ITGAV: variants seen among roughly 807,000 people sequenced by gnomAD.
ITGAV encodes the protein integrin subunit alpha V, also known as integrin alpha-V.
ITGAV carries 76 observed loss-of-function variants against 143.8 expected under a neutral mutation model. The observed-to-expected ratio is 0.53, with a 90% CI of 0.44 to 0.64. The LOEUF (loss-of-function observed/expected upper bound fraction) is 0.64, where lower values mean the gene tolerates loss of function less well. ITGAV is among the 30% of genes least tolerant of loss of function. The pLI, the probability that ITGAV is intolerant of heterozygous loss-of-function variation, is 0.00. For missense variants in ITGAV, 1,193 were observed against 1,274.7 expected, an observed-to-expected ratio of 0.94 and a Z score of 0.98; for synonymous variants, 453 against 446.7, an observed-to-expected ratio of 1.01 and a Z score of -0.18.
At chr2:186,663,106 T>A (rs74644436) in intron 18 of ITGAV, among the ~76,000 whole-genome samples, 3 of 152,292 alleles carry the variant, frequency 2.0e-5, no homozygotes, top group Non-Finnish European at 2.9e-5. Flanking sequence ...TGGAACATTC[T>A]CCTGGCCAGA....
intron 20 of ITGAV, 25 bp from the exon 21 acceptor site, chr2:186,665,096 ATTTTT>A (rs35994921): frequency 4.8e-4 from 489 of 1,012,858 alleles, no homozygotes; most frequent in South Asian, 7.3e-4. Flanking sequence ...TTTCATATCC[ATTTTT>A]TTTTTTTTTT....
intron 6 of ITGAV, 136 bp from the exon 7 acceptor site, chr2:186,635,946 A>G: frequency 1.6e-6 from 1 of 617,996 alleles, no homozygotes; most frequent in East Asian, 3.1e-5. Flanking sequence ...AGTATGATCA[A>G]GGAGAGTTAT....
chr2:186,654,782 T>C, intron 16 of ITGAV, 74 bp downstream of exon 16: 1 of 656,000 alleles, frequency 1.5e-6, no homozygotes, highest in Non-Finnish European at 2.7e-6. Context: ...TTTTAAGATA[T>C]TCAAATAGTT....
chr2:186,655,076 G>C (rs1688546032), intron 16 of ITGAV, among the ~76,000 whole-genome samples: 2 of 152,134 alleles, frequency 1.3e-5, no homozygotes, highest in Admixed American at 1.3e-4. Context: ...GCAGCCCCAA[G>C]CAATCTCAGG....
At chr2:186,640,669 G>A (rs1162772763) in intron 10 of ITGAV, among the ~76,000 whole-genome samples, 1 of 152,050 alleles carries the variant, frequency 6.6e-6, no homozygotes. Flanking sequence ...AACAACACTG[G>A]AAGGATATAC....
chr2:186,655,657 T>G (rs1248296912), intron 16 of ITGAV, among the ~76,000 whole-genome samples: 1 of 152,236 alleles, frequency 6.6e-6, no homozygotes, highest in Non-Finnish European at 1.5e-5. Flanking sequence ...AACTGAATCT[T>G]ACAAGGCAGT....
At chr2:186,598,803 T>C (rs1056855365) in intron 1 of ITGAV, among the ~76,000 whole-genome samples, 4 of 152,294 alleles carry the variant, frequency 2.6e-5, no homozygotes, top group African/African-American at 9.6e-5. Context: ...TTTGCCGTGA[T>C]GGGAGAGAGC....
chr2:186,667,304 T>TA, intron 23 of ITGAV, 74 bp downstream of exon 23: 1 of 1,108,848 alleles, frequency 9.0e-7, no homozygotes, highest in Non-Finnish European at 1.4e-6. Flanking sequence ...GCCTTAGCCT[T>TA]TTCTGGACAA....
At chr2:186,649,392 T>C (rs1688362136) in intron 13 of ITGAV, among the ~76,000 whole-genome samples, 1 of 152,114 alleles carries the variant, frequency 6.6e-6, no homozygotes, top group African/African-American at 2.4e-5. Context: ...CTGTGGCATA[T>C]GAAAACTAAT....
intron 18 of ITGAV, among the ~76,000 whole-genome samples, chr2:186,659,867 A>G (rs1688697480): frequency 6.6e-6 from 1 of 151,256 alleles, no homozygotes; most frequent in South Asian, 2.1e-4. Flanking sequence ...TAATTTTTAT[A>G]TTTTAACAAT....
chr2:186,642,518 GTTTC>G (rs1300110793), intron 12 of ITGAV, among the ~76,000 whole-genome samples: 1 of 143,772 alleles, frequency 7.0e-6, no homozygotes, highest in African/African-American at 2.6e-5. Context: ...CTTTTTCTTT[GTTTC>G]TTTCTTTTTT....
chr2:186,648,977 T>G (rs559881891), intron 13 of ITGAV, among the ~76,000 whole-genome samples: 2 of 143,708 alleles, frequency 1.4e-5, no homozygotes, highest in Non-Finnish European at 3.0e-5. Flanking sequence ...CATTTGTATA[T>G]ATATACATTT....
intron 26 of ITGAV, among the ~76,000 whole-genome samples, chr2:186,674,403 T>C (rs1689149008): frequency 6.6e-6 from 1 of 152,220 alleles, no homozygotes; most frequent in Non-Finnish European, 1.5e-5. Flanking sequence ...ACTTGTTTTT[T>C]TAGCTTAAAT....
rs1689231652 is a variant in ITGAV at position 186,677,000 on chromosome 2, AAAG to A, written c.3051+71_3051+73del. On this transcript the variant is annotated intron_variant, in intron 29 of 29. Transcript: ENST00000261023. Reference sequence around the variant, plus strand: ...GAAGAAAAGGGAAAGGGAAGAAGGAAAAGAAGAATGAAAAGTAAGGGAAGGAAG... The same window carrying A: ...GAAGAAAAGGGAAAGGGAAGAAGGAAAAGAATGAAAAGTAAGGGAAGGAAG... The A allele has an allele frequency of 1.0e-5, 16 of 1,539,250 alleles. No individual in the cohort carries two copies. In the South Asian group the frequency reaches 1.5e-4, roughly 14 times the overall value.
chr2:186,632,887 T>G (rs1687850778), intron 5 of ITGAV, among the ~76,000 whole-genome samples: 1 of 152,134 alleles, frequency 6.6e-6, no homozygotes, highest in Admixed American at 6.6e-5. Context: ...ATTAAAATGT[T>G]TCTTTTAAAT....
At chr2:186,674,542 A>T (rs1689154815) in intron 26 of ITGAV, among the ~76,000 whole-genome samples, 1 of 151,430 alleles carries the variant, frequency 6.6e-6, no homozygotes, top group Non-Finnish European at 1.5e-5. Context: ...GAAAGAGTCT[A>T]GCTCTGTCAC....
In ITGAV at chr2:186,678,647, C is replaced by T. The variant is rs1839123; in HGVS notation, c.*1355C>T. The stretch of plus-strand genomic sequence containing the variant: ...TGGCAAGTTGTAGTTTTATATGGCT[C>T]TGTAGAGTGGTGAACCTTCTAGAGG... On this transcript the variant is annotated 3_prime_UTR_variant, in exon 30 of 30. Transcript: ENST00000261023. 130,699 of 441,634 alleles carry T rather than the reference C, an allele frequency of 0.3. 20,154 individuals are homozygous for T. Among genetic ancestry groups the T allele is most frequent in the South Asian group, 0.38 (22,978 of 60,824 alleles). 27.4% of individuals were successfully genotyped at this position (441,634 alleles called of 1,614,324 possible).
chr2:186,638,629 AGC>A (rs1025947385), intron 10 of ITGAV, among the ~76,000 whole-genome samples, 164 bp downstream of exon 10: 1 of 70,670 alleles, frequency 1.4e-5, no homozygotes, highest in African/African-American at 4.5e-5. Context: ...TTCTCTTTTG[AGC>A]GTGTGTGTGT....
At chr2:186,670,712 C>T (rs555084696) in intron 26 of ITGAV, among the ~76,000 whole-genome samples, 45 of 152,264 alleles carry the variant, frequency 3.0e-4, no homozygotes, top group African/African-American at 1.0e-3. Flanking sequence ...TTAATCACTT[C>T]CTTCTGTTGA....
Sources: allele counts gnomAD v4.1 joint callset (sites outside exome capture counted in the v4.1 genomes callset), GRCh38; gene constraint gnomAD v4.1.1; transcripts MANE v1.5; gene names NCBI Gene and HGNC (gene_info 2026-07-23, HGNC 2026-07-21).